Variants in SOX5 observed in about 807,000 individuals in gnomAD.
The protein encoded by SOX5 is SRY-box transcription factor 5, also known as transcription factor SOX-5.
Under a neutral mutation model 92.0 loss-of-function variants are expected in SOX5, and 9 were observed. The observed-to-expected ratio is 0.10, with a 90% confidence interval of 0.06 to 0.17. SOX5 has a LOEUF of 0.17. Ranked by LOEUF, SOX5 falls within the 10% of genes least tolerant of loss-of-function variation. The pLI is 1.00. For missense variants in SOX5, 642 were observed against 944.5 expected (o/e 0.68, Z 4.20); for synonymous variants, 344 against 336.3 (o/e 1.02, Z -0.25).
intron 6 of SOX5, among the ~76,000 whole-genome samples, chr12:23,716,999 C>T (rs145393307): frequency 6.6e-6 from 1 of 152,238 alleles, no homozygotes; most frequent in East Asian, 1.9e-4. Flanking sequence ...AAGTCCTATG[C>T]CCTTTTTGTG....
intron 4 of SOX5, among the ~76,000 whole-genome samples, chr12:24,174,158 T>C (rs1954535943): frequency 6.6e-6 from 1 of 151,958 alleles, no homozygotes; most frequent in Admixed American, 6.6e-5. Flanking sequence ...CCACCATACC[T>C]GGTTAATTTT....
intron 1 of SOX5, among the ~76,000 whole-genome samples, chr12:24,392,107 GAGT>G (rs1959050743): frequency 6.6e-6 from 1 of 152,060 alleles, no homozygotes; most frequent in Admixed American, 6.5e-5. Flanking sequence ...TTCAAAATGG[GAGT>G]AGATCACTTT....
chr12:24,134,799 A>G (rs17409351), intron 4 of SOX5, among the ~76,000 whole-genome samples: 24,512 of 152,198 alleles, frequency 0.16, 2,170 homozygotes, highest in Middle Eastern at 0.24. Context: ...TTTATTTGAG[A>G]TTCACTTTTA....
At chr12:23,737,557 T>C (rs2093648963) in intron 5 of SOX5, among the ~76,000 whole-genome samples, 2 of 152,062 alleles carry the variant, frequency 1.3e-5, no homozygotes, top group Admixed American at 6.6e-5. Context: ...TACATATATA[T>C]ATGTATAGTC....
rs1332752378 is a variant in SOX5 at position 24,269,730 on chromosome 12, C to A, written c.-77+7486G>T. Among the ~76,000 whole-genome samples the A allele has an allele frequency of 1.3e-4, 18 of 135,266 alleles. No individual in the cohort carries two copies. In the Admixed American group the frequency reaches 1.5e-3, roughly 11 times the overall value. The allele number at this position is 135,266 out of a possible 152,430, so 88.7% of individuals were successfully genotyped here. ...TTTGAGACAGGGTCTTGCTTTGTGGCCCCGCTGGCACGAATGCAGCTCACT... is the reference window on the plus strand; with the variant it reads ...TTTGAGACAGGGTCTTGCTTTGTGGACCCGCTGGCACGAATGCAGCTCACT... On this transcript the variant is annotated intron_variant, in intron 3 of 4. Transcript: ENST00000446891.
At chr12:24,074,150 T>G (rs1323641417) in intron 4 of SOX5, among the ~76,000 whole-genome samples, 2 of 152,138 alleles carry the variant, frequency 1.3e-5, no homozygotes, top group Non-Finnish European at 2.9e-5. Flanking sequence ...AATTCATAAA[T>G]GTATCCAAAT....
chr12:23,796,938 T>C (rs1401526765), intron 3 of SOX5, among the ~76,000 whole-genome samples: 1 of 147,964 alleles, frequency 6.8e-6, no homozygotes, highest in East Asian at 2.0e-4. Context: ...AGAGCTAAGT[T>C]TGATGCTCTG....
intron 4 of SOX5, among the ~76,000 whole-genome samples, chr12:24,025,497 C>A (rs1197020749): frequency 6.6e-6 from 1 of 151,902 alleles, no homozygotes; most frequent in Non-Finnish European, 1.5e-5. Flanking sequence ...GCAGTTTTCC[C>A]AAAGAAAATA....
intron 3 of SOX5, among the ~76,000 whole-genome samples, chr12:24,241,951 T>TA (rs1362812456): frequency 2.6e-5 from 4 of 152,114 alleles, no homozygotes; most frequent in African/African-American, 4.8e-5. Flanking sequence ...ACTTAGAAAC[T>TA]AAAAAAATAA....
At chr12:23,979,709 T>TG (rs1949338405) in intron 4 of SOX5, among the ~76,000 whole-genome samples, 2 of 99,166 alleles carry the variant, frequency 2.0e-5, no homozygotes, top group African/African-American at 3.9e-5. Flanking sequence ...TTTTTTTTGT[T>TG]TTTTTTTTTT....
At chr12:24,257,756 C>T (rs762888047) in intron 3 of SOX5, among the ~76,000 whole-genome samples, 15 of 152,034 alleles carry the variant, frequency 9.9e-5, no homozygotes, top group Admixed American at 4.6e-4. Flanking sequence ...GATGAGCCAC[C>T]GTACCCGACC....
intron 1 of SOX5, among the ~76,000 whole-genome samples, chr12:24,511,709 A>G (rs1394363208): frequency 6.6e-6 from 1 of 152,156 alleles, no homozygotes; most frequent in East Asian, 1.9e-4. Flanking sequence ...CTGTAATCCC[A>G]GCACTTTGGG....
intron 13 of SOX5, among the ~76,000 whole-genome samples, chr12:23,542,129 T>A (rs1378022041): frequency 3.9e-5 from 6 of 152,202 alleles, no homozygotes; most frequent in Non-Finnish European, 7.4e-5. Flanking sequence ...ACCTCATGCA[T>A]ATGTTTGCCA....
intron 3 of SOX5, among the ~76,000 whole-genome samples, chr12:23,781,213 C>G (rs2095271992): frequency 6.6e-6 from 1 of 151,812 alleles, no homozygotes; most frequent in Non-Finnish European, 1.5e-5. Context: ...TTCTGTACTT[C>G]CTTTCTTTCA....
chr12:24,460,089 T>C (rs1943458514), intron 1 of SOX5, among the ~76,000 whole-genome samples: 1 of 152,162 alleles, frequency 6.6e-6, no homozygotes, highest in South Asian at 2.1e-4. Flanking sequence ...TGTATTGATA[T>C]CAGAAAAGGG....
At chr12:24,412,445 C>T (rs745909358) in intron 1 of SOX5, among the ~76,000 whole-genome samples, 3 of 151,966 alleles carry the variant, frequency 2.0e-5, no homozygotes, top group Admixed American at 6.6e-5. Flanking sequence ...CTCAAAGTTG[C>T]TTTAGCTGTG....
At chr12:23,946,358 A>T (rs1944587844) in intron 1 of SOX5, among the ~76,000 whole-genome samples, 1 of 152,076 alleles carries the variant, frequency 6.6e-6, no homozygotes, top group African/African-American at 2.4e-5. Flanking sequence ...AACATAAAGC[A>T]ATTAGAAACT....
At chr12:24,121,965 A>G (rs981015868) in intron 4 of SOX5, among the ~76,000 whole-genome samples, 2 of 151,916 alleles carry the variant, frequency 1.3e-5, no homozygotes, top group Admixed American at 1.3e-4. Flanking sequence ...ACCATTACAC[A>G]TCAATGCAAG....
chr12:23,555,886 A>T (rs1356190232), intron 11 of SOX5, among the ~76,000 whole-genome samples: 1 of 152,232 alleles, frequency 6.6e-6, no homozygotes, highest in Non-Finnish European at 1.5e-5. Flanking sequence ...GACACAGAAG[A>T]AAACCATCTA....
Sources: gnomAD v4.1 joint callset for allele counts (sites outside exome capture counted in the v4.1 genomes callset) on GRCh38, gnomAD v4.1.1 for gene constraint, MANE v1.5 for transcripts, NCBI Gene and HGNC (gene_info 2026-07-23, HGNC 2026-07-21) for gene names.